The following HTN3 variants were observed in gnomAD, a reference collection of about 807,000 sequenced individuals.
HTN3 encodes histatin 3.
Under a neutral mutation model 10.6 loss-of-function variants are expected in HTN3, and 15 were observed. That is an observed-to-expected ratio of 1.42 (90% CI 0.95 to 2.18). The LOEUF (loss-of-function observed/expected upper bound fraction) is 2.18. Ranked by LOEUF, HTN3 falls within the 30% of genes most tolerant of loss-of-function variation. The probability of loss-of-function intolerance (pLI) is 0.00; values close to 1 mark genes in which losing one functional copy is unlikely to be tolerated. For synonymous variants in HTN3, 15 were observed against 16.9 expected (o/e 0.89, Z 0.27); for missense variants, 68 against 58.0 (o/e 1.17, Z -0.56).
chr4:70,031,787 T>C (rs1279508119), intron 2 of HTN3, among the ~76,000 whole-genome samples, 192 bp from the exon 3 acceptor site: 1 of 152,084 alleles, frequency 6.6e-6, no homozygotes, highest in African/African-American at 2.4e-5. Context: ...TATAGCATAT[T>C]AATTATAGAG....
rs1725515528 is a variant in HTN3, at chr4:70,036,312, A to C, written c.*79A>C. 1 of 152,216 alleles carries C rather than the reference A, an allele frequency of 6.6e-6. No homozygotes were observed. Among genetic ancestry groups the C allele is most frequent in the Non-Finnish European group, 1.5e-5 (1 of 68,038 alleles). 9.4% of individuals were successfully genotyped at this position (152,216 alleles called of 1,614,324 possible). On this transcript the variant is annotated 3_prime_UTR_variant, in exon 6 of 6. Coordinates refer to ENST00000673563, the MANE Select transcript of HTN3 (RefSeq NM_000200.3). ...TTGGACTCGTGTATTCTCATTTGTC[A>C]TACCGCATCACACTACCACTGCTTT...
At chr4:70,030,902 T>C in intron 2 of HTN3, 111 bp downstream of exon 2, 1 of 806,360 alleles carries the variant, frequency 1.2e-6, no homozygotes, top group Admixed American at 2.6e-5. Flanking sequence ...ACAGCTTTAA[T>C]ATTTCTATGT....
At chr4:70,034,851 TG>T (rs1485249526) in intron 5 of HTN3, among the ~76,000 whole-genome samples, 1 of 152,194 alleles carries the variant, frequency 6.6e-6, no homozygotes, top group African/African-American at 2.4e-5. Flanking sequence ...GTATACACCA[TG>T]GAACACTATG....
At chr4:70,034,649 C>T (rs1725467042) in intron 5 of HTN3, among the ~76,000 whole-genome samples, 1 of 152,120 alleles carries the variant, frequency 6.6e-6, no homozygotes, top group Non-Finnish European at 1.5e-5. Flanking sequence ...ATGGATTCCT[C>T]AAGGATCTAG....
chr4:70,031,445 G>A (rs527311189), intron 2 of HTN3: 3 of 153,330 alleles, frequency 2.0e-5, no homozygotes, highest in African/African-American at 7.2e-5. Flanking sequence ...GGTCACAAAA[G>A]AATACTAATA....
At chr4:70,034,588 CTT>C (rs746472894) in intron 5 of HTN3, among the ~76,000 whole-genome samples, 42 of 152,158 alleles carry the variant, frequency 2.8e-4, no homozygotes, top group Non-Finnish European at 5.3e-4. Context: ...GATAGGAACA[CTT>C]TTTCACTGGT....
chr4:70,032,854 G>C (rs1033619372), intron 4 of HTN3, among the ~76,000 whole-genome samples: 1 of 152,078 alleles, frequency 6.6e-6, no homozygotes, highest in African/African-American at 2.4e-5. Flanking sequence ...GGGCAAAATA[G>C]TAACTTGGAG....
At chr4:70,030,895 G>C in intron 2 of HTN3, 104 bp downstream of exon 2, 10 of 838,762 alleles carry the variant, frequency 1.2e-5, no homozygotes, top group Non-Finnish European at 1.9e-5. Flanking sequence ...CCTCAATACA[G>C]CTTTAATATT....
chr4:70,029,292 G>A (rs1725317945), intron 1 of HTN3, among the ~76,000 whole-genome samples: 2 of 152,026 alleles, frequency 1.3e-5, no homozygotes, highest in East Asian at 3.9e-4. Context: ...CATAAAAAGA[G>A]TCATAATTTG....
Position 70,030,784 on chromosome 4 carries a change from C to G in HTN3, c.44C>G (p.Ser15Cys). Reference protein sequence around the residue: ...VFALILALMLSMTGADSHAKR... With the variant: ...VFALILALMLCMTGADSHAKR... The stretch of plus-strand genomic sequence containing the variant: ...GCTTTAATCTTGGCTCTCATGCTTT[C>G]CATGACTGTAAGTATATCTGGAAGT... Residue 15 changes from serine to cysteine, a missense_variant, in exon 2 of 6, where the codon TCC (serine) becomes TGC (cysteine). Coordinates refer to ENST00000673563, the MANE Select transcript of HTN3 (RefSeq NM_000200.3). The G allele has an allele frequency of 6.2e-7, 1 of 1,610,974 alleles. No homozygotes were observed. The highest frequency in any genetic ancestry group is 1.3e-5 in the African/African-American group (1 of 74,968).
In HTN3 at chr4:70,035,261, A is replaced by C. The variant is rs1725486305; in HGVS notation, c.*34-1006A>C. Among the ~76,000 whole-genome samples the C allele has an allele frequency of 5.3e-5, 8 of 152,206 alleles. No individual in the cohort carries two copies. The South Asian group carries it at 1.4e-3, about 28-fold the overall frequency. On this transcript the variant is annotated intron_variant, in intron 5 of 5. Coordinates refer to ENST00000673563, the MANE Select transcript of HTN3 (RefSeq NM_000200.3). Reference sequence around the variant, plus strand: ...TGGGTAGGGGAACCCCTGTGTTTTTATCCTGACCCTGACAACTAGTTTCAT... The same window carrying C: ...TGGGTAGGGGAACCCCTGTGTTTTTCTCCTGACCCTGACAACTAGTTTCAT...
At chr4:70,036,229 A>G (rs1189879265) in intron 5 of HTN3, 38 bp from the exon 6 acceptor site, 1 of 152,064 alleles carries the variant, frequency 6.6e-6, no homozygotes, top group African/African-American at 2.4e-5. Context: ...AGGAATATCA[A>G]TTTGGGCGAT....
Position 70,033,251 on chromosome 4 carries a change from G to A in HTN3, c.*31G>A. 3 of 1,351,714 alleles carry A rather than the reference G, an allele frequency of 2.2e-6. No homozygotes were observed. Among genetic ancestry groups the A allele is most frequent in the South Asian group, 1.2e-5 (1 of 80,460 alleles). The allele number at this position is 1,351,714 out of a possible 1,614,324, so 83.7% of individuals were successfully genotyped here. A position where few individuals can be genotyped will look rare whatever the true frequency, so the allele number is the denominator to read the frequency against. ...TCAGTAATCACGGGGCATGATTATGGAGGTAAGCTGACTCTAGTTACTTTT... is the reference window on the plus strand; with the variant it reads ...TCAGTAATCACGGGGCATGATTATGAAGGTAAGCTGACTCTAGTTACTTTT... On this transcript the variant is annotated splice_region_variant and 3_prime_UTR_variant, in exon 5 of 6. Coordinates refer to ENST00000673563, the MANE Select transcript of HTN3 (RefSeq NM_000200.3).
At chr4:70,029,342 T>C (rs1330349389) in intron 1 of HTN3, among the ~76,000 whole-genome samples, 1 of 151,978 alleles carries the variant, frequency 6.6e-6, no homozygotes, top group African/African-American at 2.4e-5. Context: ...AAGAAATATA[T>C]AATTTTTATA....
intron 2 of HTN3, chr4:70,031,335 G>C (rs1725377469): frequency 6.5e-6 from 1 of 153,828 alleles, no homozygotes; most frequent in African/African-American, 2.4e-5. Flanking sequence ...CTGTGTAATA[G>C]TAGAAAAGGC....
intron 4 of HTN3, 71 bp downstream of exon 4, chr4:70,032,178 T>C (rs1725397870): frequency 3.2e-6 from 3 of 950,278 alleles, no homozygotes; most frequent in African/African-American, 3.4e-5. Flanking sequence ...CCTAGAATAA[T>C]TGATAGTTAT....
intron 1 of HTN3, among the ~76,000 whole-genome samples, 159 bp downstream of exon 1, chr4:70,028,675 CAATTCCTATG>C (rs1725299992): frequency 6.6e-6 from 1 of 152,034 alleles, no homozygotes. Flanking sequence ...TTCTAGATCT[CAATTCCTATG>C]AATTAACACC....
At chr4:70,029,365 C>G (rs1725320181) in intron 1 of HTN3, among the ~76,000 whole-genome samples, 1 of 151,798 alleles carries the variant, frequency 6.6e-6, no homozygotes, top group Non-Finnish European at 1.5e-5. Context: ...TAGTCCTATA[C>G]AAGAAGTTTC....
chr4:70,031,511 C>T (rs1242229118), intron 2 of HTN3: 1 of 153,826 alleles, frequency 6.5e-6, no homozygotes, highest in Non-Finnish European at 1.4e-5. Flanking sequence ...TTGGTTATGG[C>T]ATCACAGTTT....
Sources: allele counts gnomAD v4.1 joint callset (sites outside exome capture counted in the v4.1 genomes callset), GRCh38; gene constraint gnomAD v4.1.1; transcripts MANE v1.5; gene names NCBI Gene and HGNC (gene_info 2026-07-23, HGNC 2026-07-21).